Variants in FKBP5 observed in about 807,000 individuals in gnomAD.
The protein encoded by FKBP5 is FKBP prolyl isomerase 5, also known as peptidyl-prolyl cis-trans isomerase FKBP5.
FKBP5 carries 23 observed loss-of-function variants against 50.5 expected under a neutral mutation model. That is an observed-to-expected ratio of 0.46 (90% CI 0.33 to 0.65). The LOEUF is 0.65. Among genes scored for constraint, FKBP5 ranks in the 30% least tolerant of loss-of-function variants. FKBP5 has a pLI of 0.02. For missense variants in FKBP5, 411 were observed against 553.1 expected (o/e 0.74, Z 2.58); for synonymous variants, 176 against 190.6 (o/e 0.92, Z 0.63).
chr6:35,706,424 C>CAAAAAAAA (rs71002595), intron 2 of FKBP5, among the ~76,000 whole-genome samples: 3 of 103,872 alleles, frequency 2.9e-5, no homozygotes, highest in Admixed American at 9.9e-5. Flanking sequence ...AACTCTGTCT[C>CAAAAAAAA]AAAAAAAAAA....
intron 1 of FKBP5, among the ~76,000 whole-genome samples, chr6:35,662,072 T>C (rs1254664449): frequency 6.6e-6 from 1 of 152,206 alleles, no homozygotes; most frequent in Non-Finnish European, 1.5e-5. Flanking sequence ...ATTTATTTAT[T>C]TTTTTAATAG....
At chr6:35,708,518 C>T (rs774157996) in intron 2 of FKBP5, among the ~76,000 whole-genome samples, 12 of 152,042 alleles carry the variant, frequency 7.9e-5, no homozygotes, top group South Asian at 2.1e-4. Context: ...TCCCAAAGTG[C>T]TGGGATTACA....
At chr6:35,645,003 A>G (rs1162335214) in intron 1 of FKBP5, among the ~76,000 whole-genome samples, 1 of 152,250 alleles carries the variant, frequency 6.6e-6, no homozygotes, top group Non-Finnish European at 1.5e-5. Flanking sequence ...TTATTAAAAA[A>G]GGAAAAAGAC....
intron 1 of FKBP5, among the ~76,000 whole-genome samples, chr6:35,672,431 T>A (rs1765412814): frequency 6.6e-6 from 1 of 151,494 alleles, no homozygotes; most frequent in Non-Finnish European, 1.5e-5. Context: ...TAAAGAAAAA[T>A]TAATATTTCA....
At chr6:35,589,131 T>A (rs555827697) in intron 7 of FKBP5, among the ~76,000 whole-genome samples, 2,828 of 138,710 alleles carry the variant, frequency 0.02, 57 homozygotes, top group East Asian at 0.025. Flanking sequence ...TATATATATT[T>A]TTTTTTTTTT....
intron 2 of FKBP5, among the ~76,000 whole-genome samples, chr6:35,719,805 A>C (rs1766577770): frequency 6.6e-6 from 1 of 152,218 alleles, no homozygotes. Flanking sequence ...GCTTGACTGC[A>C]ACTCCCATTC....
chr6:35,619,670 TG>T (rs1475241590), intron 4 of FKBP5, among the ~76,000 whole-genome samples: 1 of 152,226 alleles, frequency 6.6e-6, no homozygotes, highest in East Asian at 1.9e-4. Flanking sequence ...AATCAAGTTT[TG>T]CCAAATATAT....
intron 5 of FKBP5, among the ~76,000 whole-genome samples, chr6:35,602,283 C>A (rs889717426): frequency 6.6e-6 from 1 of 152,064 alleles, no homozygotes; most frequent in Non-Finnish European, 1.5e-5. Context: ...AAACAAAAAA[C>A]AAAAAGCTGT....
chr6:35,689,638 C>G (rs897297896), upstream of FKBP5, among the ~76,000 whole-genome samples: 1 of 151,788 alleles, frequency 6.6e-6, no homozygotes, highest in Non-Finnish European at 1.5e-5. Context: ...GTCAAGAGAT[C>G]GAGACCATCC....
At chr6:35,698,272 G>A (rs1184037454) in intron 2 of FKBP5, among the ~76,000 whole-genome samples, 1 of 152,040 alleles carries the variant, frequency 6.6e-6, no homozygotes, top group Non-Finnish European at 1.5e-5. Flanking sequence ...AACCTGGGAG[G>A]TGAAGGTTGC....
intron 1 of FKBP5, among the ~76,000 whole-genome samples, chr6:35,672,124 TCC>T (rs1765404695): frequency 6.6e-6 from 1 of 152,156 alleles, no homozygotes; most frequent in Non-Finnish European, 1.5e-5. Flanking sequence ...CACCTCGGCC[TCC>T]CAAAGTGCTG....
chr6:35,581,128 A>C, intron 8 of FKBP5: 2 of 975,002 alleles, frequency 2.1e-6, no homozygotes, highest in South Asian at 4.7e-5. Context: ...TTGGCCAGCA[A>C]ACTGTAGTTT....
At chr6:35,696,474 T>C (rs1181144701) in intron 2 of FKBP5, among the ~76,000 whole-genome samples, 1 of 149,112 alleles carries the variant, frequency 6.7e-6, no homozygotes, top group Non-Finnish European at 1.5e-5. Flanking sequence ...ATCATGCCAC[T>C]GTACTCCAGC....
intron 2 of FKBP5, among the ~76,000 whole-genome samples, chr6:35,715,352 A>G (rs77335072): frequency 0.027 from 4,164 of 152,274 alleles, 174 homozygotes; most frequent in African/African-American, 0.094. Context: ...TTTCCCAACT[A>G]GAAGATGGAG....
chr6:35,638,664 C>T (rs535714363), intron 2 of FKBP5, among the ~76,000 whole-genome samples: 3 of 152,156 alleles, frequency 2.0e-5, no homozygotes, highest in East Asian at 1.9e-4. Context: ...ATGATTCTCC[C>T]GCCTCAGCCT....
chr6:35,630,892 A>G (rs1764133812), intron 3 of FKBP5, among the ~76,000 whole-genome samples: 1 of 152,250 alleles, frequency 6.6e-6, no homozygotes. Context: ...TTAAGAAAAT[A>G]AAAAGGCAAG....
chr6:35,622,497 C>T (rs926926321), intron 3 of FKBP5, among the ~76,000 whole-genome samples: 4 of 150,188 alleles, frequency 2.7e-5, no homozygotes, highest in Non-Finnish European at 5.9e-5. Context: ...GGTGACAGAG[C>T]GAGACCCTGT....
chr6:35,638,000 T>A (rs1484933095), intron 2 of FKBP5, among the ~76,000 whole-genome samples: 1 of 152,204 alleles, frequency 6.6e-6, no homozygotes, highest in East Asian at 1.9e-4. Context: ...ACATAGTCTA[T>A]CTGTAAAAAA....
chr6:35,603,051 T>G (rs1484939051), intron 5 of FKBP5, among the ~76,000 whole-genome samples: 1 of 152,232 alleles, frequency 6.6e-6, no homozygotes, highest in Non-Finnish European at 1.5e-5. Flanking sequence ...AAGCTCAGTT[T>G]CTTCACTGAT....
Sources: gnomAD v4.1 joint callset for allele counts (sites outside exome capture counted in the v4.1 genomes callset) on GRCh38, gnomAD v4.1.1 for gene constraint, MANE v1.5 for transcripts, NCBI Gene and HGNC (gene_info 2026-07-23, HGNC 2026-07-21) for gene names.